The following TRAF3IP1 variants were observed in gnomAD, a reference collection of about 807,000 sequenced individuals.
TRAF3IP1 encodes the protein TRAF3-interacting protein 1.
TRAF3IP1 carries 53 observed loss-of-function variants against 89.9 expected under a neutral mutation model. The ratio of observed to expected loss-of-function variants is 0.59; its 90% CI spans 0.47 to 0.74. The LOEUF (loss-of-function observed/expected upper bound fraction) is 0.74, where lower values mean the gene tolerates loss of function less well. Ranked by LOEUF, TRAF3IP1 falls within the 30% of genes least tolerant of loss-of-function variation. The pLI is 0.00. For missense variants in TRAF3IP1, 806 were observed against 866.1 expected, an observed-to-expected ratio of 0.93 and a Z score of 0.87; for synonymous variants, 311 against 322.1, an observed-to-expected ratio of 0.97 and a Z score of 0.37.
chr2:238,356,927 C>T (rs560205803), intron 15 of TRAF3IP1, among the ~76,000 whole-genome samples: 4 of 151,952 alleles, frequency 2.6e-5, no homozygotes, highest in Non-Finnish European at 4.4e-5. Flanking sequence ...TACAGGTGCT[C>T]GACACTGCTC....
chr2:238,365,337 G>A (rs1699828730), intron 15 of TRAF3IP1, among the ~76,000 whole-genome samples: 1 of 152,106 alleles, frequency 6.6e-6, no homozygotes, highest in Admixed American at 6.5e-5. Flanking sequence ...CCTTTGCTAG[G>A]AATATTGTTT....
At chr2:238,378,730 G>C (rs528797676) in intron 15 of TRAF3IP1, among the ~76,000 whole-genome samples, 5 of 152,212 alleles carry the variant, frequency 3.3e-5, no homozygotes, top group African/African-American at 1.2e-4. Flanking sequence ...TAAGTCTGAT[G>C]GGTGATCTGG....
chr2:238,346,873 A>G (rs1461372506), intron 9 of TRAF3IP1, among the ~76,000 whole-genome samples: 1 of 152,168 alleles, frequency 6.6e-6, no homozygotes, highest in African/African-American at 2.4e-5. Context: ...GCCACTGCTC[A>G]TTTACTTTGA....
intron 1 of TRAF3IP1, among the ~76,000 whole-genome samples, chr2:238,323,275 C>T (rs1235713797): frequency 6.6e-6 from 1 of 152,076 alleles, no homozygotes; most frequent in African/African-American, 2.4e-5. Flanking sequence ...GATGGGGTTT[C>T]GCCATGTTGT....
chr2:238,347,410 G>T (rs1698943888), intron 9 of TRAF3IP1, 45 bp from the exon 10 acceptor site: 1 of 1,609,378 alleles, frequency 6.2e-7, no homozygotes, highest in East Asian at 2.2e-5. Context: ...AATGTATTGA[G>T]GTTGACTACA....
At chr2:238,355,956 TG>T in intron 14 of TRAF3IP1, 47 bp from the exon 15 acceptor site, 1 of 1,426,080 alleles carries the variant, frequency 7.0e-7, no homozygotes, top group Non-Finnish European at 9.8e-7. Context: ...AATAGGTTTT[TG>T]GGATAGAGAA....
chr2:238,389,748 AAATAATAAT>A (rs71905391), intron 15 of TRAF3IP1, among the ~76,000 whole-genome samples: 85 of 146,340 alleles, frequency 5.8e-4, no homozygotes, highest in Non-Finnish European at 9.7e-4. Context: ...ACTCCATCTC[AAATAATAAT>A]AATAATAATA....
At chr2:238,393,252 C>T (rs1397721859) in intron 15 of TRAF3IP1, among the ~76,000 whole-genome samples, 1 of 152,166 alleles carries the variant, frequency 6.6e-6, no homozygotes, top group East Asian at 1.9e-4. Flanking sequence ...GTGGTGATGG[C>T]TCATTGTGGT....
At position 238,334,175 on chromosome 2, in the gene TRAF3IP1, AAAT is replaced by A. The variant is rs1469485431; in HGVS notation, c.1063+144_1063+146del. 38 of 682,408 alleles carry A rather than the reference AAAT, an allele frequency of 5.6e-5. No individual in the cohort carries two copies. The Admixed American group carries it at 1.1e-3, about 19-fold the overall frequency. The allele number at this position is 682,408 out of a possible 1,614,324, so 42.3% of individuals were successfully genotyped here. Reference sequence around the variant, plus strand: ...GTGTCTGGGAATGAACAGCGTGTGGAAATAATGAAGATTTGTGGCTGTTACATA... The same window carrying A: ...GTGTCTGGGAATGAACAGCGTGTGGAAATGAAGATTTGTGGCTGTTACATA... On this transcript the variant is annotated intron_variant, in intron 7 of 16. Transcript: ENST00000373327.
intron 15 of TRAF3IP1, among the ~76,000 whole-genome samples, chr2:238,390,986 G>T: frequency 6.6e-6 from 1 of 151,974 alleles, no homozygotes; most frequent in Non-Finnish European, 1.5e-5. Context: ...AAAGGGTTTC[G>T]CTCTGTTGCC....
chr2:238,346,075 A>G (rs916263596), intron 9 of TRAF3IP1, among the ~76,000 whole-genome samples: 1 of 151,988 alleles, frequency 6.6e-6, no homozygotes, highest in Admixed American at 6.6e-5. Flanking sequence ...TGGTGTTTTG[A>G]AGAAAGAGCC....
intron 15 of TRAF3IP1, among the ~76,000 whole-genome samples, chr2:238,396,726 C>T (rs765472663): frequency 6.6e-6 from 1 of 152,130 alleles, no homozygotes; most frequent in Non-Finnish European, 1.5e-5. Context: ...GCATGCAGCT[C>T]CCCACTCGTC....
chr2:238,331,184 G>C (rs1241002996), intron 5 of TRAF3IP1, among the ~76,000 whole-genome samples: 1 of 151,942 alleles, frequency 6.6e-6, no homozygotes, highest in African/African-American at 2.4e-5. Context: ...GGCTCGGCCG[G>C]GCATGGTGGC....
chr2:238,350,888 G>A (rs765492078), intron 12 of TRAF3IP1, among the ~76,000 whole-genome samples: 1 of 152,156 alleles, frequency 6.6e-6, no homozygotes, highest in African/African-American at 2.4e-5. Context: ...TGCACCGAGA[G>A]AGAAGGGAAG....
chr2:238,341,554 A>C (rs1300635015), intron 8 of TRAF3IP1, among the ~76,000 whole-genome samples: 1 of 150,492 alleles, frequency 6.6e-6, no homozygotes, highest in Non-Finnish European at 1.5e-5. Context: ...TTTAAAAAAA[A>C]AACACTGGCT....
rs968084128 is a variant in TRAF3IP1 at position 238,379,514 on chromosome 2, C to T, written c.1690-17945C>T. On this transcript the variant is annotated intron_variant, in intron 15 of 16. Coordinates refer to ENST00000373327, the MANE Select transcript of TRAF3IP1 (RefSeq NM_015650.4). This position sits in a 1 kb window ranked among gnomAD's most constrained non-coding sequence, Gnocchi z 4.0. ...CATCACTTGGGTATTTGGAACTTGA[C>T]CATCCTGTATGTGAATTTTCCTTTG... is the stretch of plus-strand genomic sequence containing the variant. 6.6e-6 allele frequency among the ~76,000 whole-genome samples: 1 copy of T among 152,226 alleles called. No homozygotes were observed. The highest frequency in any genetic ancestry group is 2.4e-5 in the African/African-American group (1 of 41,456).
chr2:238,322,347 G>C (rs1253638900), intron 1 of TRAF3IP1, among the ~76,000 whole-genome samples: 2 of 152,230 alleles, frequency 1.3e-5, no homozygotes, highest in African/African-American at 4.8e-5. Context: ...CACGGTGGCT[G>C]TCCAGTCACT....
At chr2:238,372,351 A>C (rs759913038) in intron 15 of TRAF3IP1, among the ~76,000 whole-genome samples, 5 of 151,346 alleles carry the variant, frequency 3.3e-5, no homozygotes, top group Non-Finnish European at 4.4e-5. Context: ...TCATTGTTCA[A>C]CTCCCACTTA....
intron 15 of TRAF3IP1, among the ~76,000 whole-genome samples, chr2:238,370,370 G>A (rs770895979): frequency 4.6e-5 from 7 of 152,106 alleles, no homozygotes; most frequent in Admixed American, 1.3e-4. Flanking sequence ...ACATGTATAC[G>A]TGTGCATGTC....
Sources: gnomAD v4.1 joint callset for allele counts (sites outside exome capture counted in the v4.1 genomes callset) on GRCh38, gnomAD v4.1.1 for gene constraint, Gnocchi (gnomAD v3.1) non-coding constraint, MANE v1.5 for transcripts, NCBI Gene and HGNC (gene_info 2026-07-23, HGNC 2026-07-21) for gene names.